The following PLCZ1 variants were observed in gnomAD, a reference collection of about 807,000 sequenced individuals.
The protein encoded by PLCZ1 is 1-phosphatidylinositol 4,5-bisphosphate phosphodiesterase zeta-1.
In PLCZ1, 64 loss-of-function variants were observed where a neutral mutation model predicts 76.8. That is an observed-to-expected ratio of 0.83 (90% confidence interval 0.68 to 1.03). The LOEUF (loss-of-function observed/expected upper bound fraction) is 1.03. Among genes scored for constraint, PLCZ1 ranks in the 50% least tolerant of loss-of-function variants. The pLI is 0.00. For missense variants in PLCZ1, 751 were observed against 713.7 expected, an observed-to-expected ratio of 1.05 and a Z score of -0.60; for synonymous variants, 248 against 230.8, an observed-to-expected ratio of 1.07 and a Z score of -0.68.
At chr12:18,656,890 G>A in the PLCZ1 span, among the ~76,000 whole-genome samples, 1 of 152,198 alleles carries the variant, frequency 6.6e-6, no homozygotes, top group African/African-American at 2.4e-5. Flanking sequence ...TTCAGTAAGA[G>A]AGATGTGGTG....
At chr12:18,723,096 C>T (rs1481672292) in intron 4 of PLCZ1, among the ~76,000 whole-genome samples, 1 of 151,876 alleles carries the variant, frequency 6.6e-6, no homozygotes, top group Non-Finnish European at 1.5e-5. Context: ...AGGAGCTGAA[C>T]AATGTATAGG....
chr12:18,696,735 G>C (rs1955106707), intron 10 of PLCZ1, among the ~76,000 whole-genome samples: 1 of 151,938 alleles, frequency 6.6e-6, no homozygotes, highest in Admixed American at 6.6e-5. Flanking sequence ...TAATCCTACT[G>C]AACATTTCAC....
chr12:18,701,562 T>C lies in PLCZ1; in HGVS notation c.956A>G (p.Asn319Ser), dbSNP rs1025854076. ...TTTTACCCCTGTTTCCTTGTCTTGA[T>C]TGTCTCCTAAAACAGATTCCAATAC... ...ERKGSDKRGD[N>S]QDKETGVKKL... is the part of the protein sequence containing the mutation. Residue 319 changes from asparagine to serine, a missense_variant, in exon 9 of 15, where the codon AAT (asparagine) becomes AGT (serine). Physicochemically the swap from Asn to Ser is conservative, Grantham distance 46. Transcript: ENST00000266505. 3 of 1,613,942 alleles carry C rather than the reference T, an allele frequency of 1.9e-6. No homozygotes were observed. Among genetic ancestry groups the C allele is most frequent in the Non-Finnish European group, 2.5e-6 (3 of 1,180,006 alleles).
intron 2 of PLCZ1, chr12:18,736,893 G>A (rs1157777236): frequency 2.6e-6 from 1 of 386,358 alleles, no homozygotes; most frequent in East Asian, 7.2e-5. Context: ...ACACACTCAA[G>A]ACAGTACCAT....
chr12:18,663,680 G>C, the PLCZ1 span, among the ~76,000 whole-genome samples: 1 of 151,796 alleles, frequency 6.6e-6, no homozygotes, highest in Non-Finnish European at 1.5e-5. Flanking sequence ...TTATGATGTT[G>C]GATTTGGCAA....
chr12:18,683,408 T>G, intron 14 of PLCZ1, 84 bp from the exon 15 acceptor site: 1 of 1,483,610 alleles, frequency 6.7e-7, no homozygotes, highest in Non-Finnish European at 9.4e-7. Flanking sequence ...ACAAGAGCTC[T>G]TTACTAAGCC....
At position 18,712,906 on chromosome 12, in the gene PLCZ1, T is replaced by C; in HGVS notation, c.650A>G (p.Tyr217Cys). 1 of 1,613,958 alleles carries C rather than the reference T, an allele frequency of 6.2e-7. No individual in the cohort carries two copies. The highest frequency in any genetic ancestry group is 8.5e-7 in the Non-Finnish European group (1 of 1,179,868). Residue 217 changes from tyrosine (Y) to cysteine (C), a missense_variant, in exon 6 of 15, where the codon TAC becomes TGC. Transcript: ENST00000266505. The stretch of plus-strand genomic sequence containing the variant: ...AAACAGAAGTTTGCTTGTGAGTGTG[T>C]AGCCATGATATACAACAGGTTCATT... ...AQNEPVVYHGYTLTSKLLFKT... is the reference protein window; with the variant it reads ...AQNEPVVYHGCTLTSKLLFKT...
chr12:18,711,381 T>G, intron 6 of PLCZ1, among the ~76,000 whole-genome samples: 1 of 84,884 alleles, frequency 1.2e-5, no homozygotes, highest in African/African-American at 4.8e-5. Context: ...CTGGGGACTG[T>G]TGTGGGGTGG....
the PLCZ1 span, among the ~76,000 whole-genome samples, chr12:18,672,801 C>A: frequency 6.6e-6 from 1 of 152,138 alleles, no homozygotes; most frequent in Non-Finnish European, 1.5e-5. Context: ...CCTAACCTAA[C>A]AGGAGCAAGA....
At chr12:18,682,963 T>C (rs1952568126), downstream of PLCZ1, among the ~76,000 whole-genome samples, 1 of 152,034 alleles carries the variant, frequency 6.6e-6, no homozygotes, top group African/African-American at 2.4e-5. Context: ...ATTCTAGTAA[T>C]TAAAAATGAT....
At chr12:18,736,548 G>A (rs1266182087) in intron 2 of PLCZ1, 1 of 1,244,412 alleles carries the variant, frequency 8.0e-7, no homozygotes, top group South Asian at 1.5e-5. Context: ...AAAGGGCATA[G>A]CACAGTAAAA....
chr12:18,721,273 G>A (rs375613387), intron 4 of PLCZ1, among the ~76,000 whole-genome samples: 26 of 151,960 alleles, frequency 1.7e-4, no homozygotes, highest in African/African-American at 5.6e-4. Context: ...ACCTCATTTG[G>A]TGCCTGTCAC....
intron 12 of PLCZ1, among the ~76,000 whole-genome samples, chr12:18,694,336 C>T (rs1954615680): frequency 6.6e-6 from 1 of 152,142 alleles, no homozygotes; most frequent in African/African-American, 2.4e-5. Context: ...AACAAAAAAG[C>T]TCTCCCAACA....
chr12:18,693,788 G>T, intron 12 of PLCZ1: 2 of 1,515,208 alleles, frequency 1.3e-6, no homozygotes, highest in Non-Finnish European at 1.8e-6. Flanking sequence ...AGAAACTTTG[G>T]ATCCAGCGCT....
rs148121611 is a variant in PLCZ1, at chr12:18,711,678, A to G, written c.714+1164T>C. Among the ~76,000 whole-genome samples, 425 of 151,974 alleles carry G rather than the reference A, an allele frequency of 2.8e-3. 1 individual carries two copies. Among genetic ancestry groups the G allele is most frequent in the African/African-American group, 9.9e-3 (409 of 41,484 alleles). On this transcript the variant is annotated intron_variant, in intron 6 of 14. Transcript: ENST00000266505. The stretch of plus-strand genomic sequence containing the variant: ...GCACATGAAAGTTGTCATTGATGAG[A>G]TGGGGAAGATCGTGGCGAGAGCAGG...
the PLCZ1 span, among the ~76,000 whole-genome samples, chr12:18,674,251 A>G: frequency 6.6e-6 from 1 of 152,218 alleles, no homozygotes; most frequent in South Asian, 2.1e-4. Flanking sequence ...ATAGCTTAAT[A>G]TAATAATGAC....
chr12:18,713,295 CTCTGAAA>C (rs1957560739), intron 5 of PLCZ1, among the ~76,000 whole-genome samples: 1 of 152,120 alleles, frequency 6.6e-6, no homozygotes, highest in Non-Finnish European at 1.5e-5. Flanking sequence ...ATAGTTGTAG[CTCTGAAA>C]CATCCCTACT....
the PLCZ1 span, chr12:18,648,011 G>A: frequency 6.3e-7 from 1 of 1,593,754 alleles, no homozygotes; most frequent in Non-Finnish European, 8.6e-7. Context: ...GTATCCATTA[G>A]GAAACAGTAT....
At chr12:18,697,853 T>C in intron 10 of PLCZ1, among the ~76,000 whole-genome samples, 1 of 150,518 alleles carries the variant, frequency 6.6e-6, no homozygotes. Context: ...ATCCTTGAAG[T>C]TAAACCTTTG....
Sources: allele counts gnomAD v4.1 joint callset (sites outside exome capture counted in the v4.1 genomes callset), GRCh38; gene constraint gnomAD v4.1.1; transcripts MANE v1.5; gene names NCBI Gene and HGNC (gene_info 2026-07-23, HGNC 2026-07-21).